Variants in COL4A5 observed in about 807,000 individuals in gnomAD.
COL4A5 encodes the protein collagen alpha-5(IV) chain.
In COL4A5, 26 loss-of-function variants were observed where a neutral mutation model predicts 130.2. The ratio of observed to expected loss-of-function variants is 0.20; its 90% confidence interval spans 0.15 to 0.28. The LOEUF (loss-of-function observed/expected upper bound fraction) is 0.28. Ranked by LOEUF, COL4A5 falls within the 10% of genes least tolerant of loss-of-function variation. The pLI is 1.00. For synonymous variants in COL4A5, 496 were observed against 439.6 expected (o/e 1.13, Z -1.60); for missense variants, 1,131 against 1,344.3 (o/e 0.84, Z 2.48).
intron 39 of COL4A5, 60 bp from the exon 40 acceptor site, chrX:108,667,073 T>G: frequency 4.6e-6 from 5 of 1,090,985 alleles, no homozygotes; most frequent in Non-Finnish European, 6.4e-6. Flanking sequence ...TAATTTGGCC[T>G]TGTTTCAGTT....
intron 36 of COL4A5, among the ~76,000 whole-genome samples, chrX:108,643,151 A>G (rs1417450880): frequency 8.9e-6 from 1 of 112,232 alleles, no homozygotes; most frequent in Non-Finnish European, 1.9e-5. Context: ...GAACAAGTAG[A>G]AGAAAGAAAT....
At chrX:108,631,140 TC>T (rs1177264742) in intron 36 of COL4A5, among the ~76,000 whole-genome samples, 2 of 112,015 alleles carry the variant, frequency 1.8e-5, no homozygotes, top group Non-Finnish European at 3.8e-5. Flanking sequence ...CAATGTGGGC[TC>T]TTTTTTGGTT....
At chrX:108,476,197 G>T (rs183210512) in intron 1 of COL4A5, among the ~76,000 whole-genome samples, 2 of 111,257 alleles carry the variant, frequency 1.8e-5, no homozygotes, top group African/African-American at 6.5e-5. Context: ...AATTGTATAC[G>T]CCTTTATACT....
At chrX:108,644,453 C>T (rs189365946) in intron 36 of COL4A5, among the ~76,000 whole-genome samples, 8 of 111,942 alleles carry the variant, frequency 7.1e-5, no homozygotes, top group African/African-American at 2.6e-4. Context: ...CAAAAGCCCA[C>T]GAACTTTCTC....
chrX:108,562,339 A>G (rs1423913909), intron 3 of COL4A5, among the ~76,000 whole-genome samples: 1 of 112,012 alleles, frequency 8.9e-6, no homozygotes, highest in African/African-American at 3.2e-5. Flanking sequence ...CATTTCTTGT[A>G]TCTGAGTTTA....
chrX:108,459,749 T>C (rs753463776), intron 1 of COL4A5, among the ~76,000 whole-genome samples: 1 of 112,269 alleles, frequency 8.9e-6, no homozygotes, highest in African/African-American at 3.2e-5. Context: ...GTAAAATCTT[T>C]ATGATTAATT....
At chrX:108,591,856 G>A (rs1223711176) in intron 21 of COL4A5, among the ~76,000 whole-genome samples, 1 of 110,627 alleles carries the variant, frequency 9.0e-6, no homozygotes, top group Non-Finnish European at 1.9e-5. Context: ...ACTACCTCTA[G>A]TAACCTGACT....
intron 49 of COL4A5, chrX:108,690,217 G>A: frequency 6.8e-6 from 1 of 146,096 alleles, no homozygotes; most frequent in Non-Finnish European, 1.2e-5. Flanking sequence ...ATAACTTACA[G>A]TTAGAAAGTG....
chrX:108,687,850 A>G (rs2068578605), intron 49 of COL4A5, among the ~76,000 whole-genome samples, 156 bp downstream of exon 49: 1 of 112,234 alleles, frequency 8.9e-6, no homozygotes, highest in African/African-American at 3.2e-5. Context: ...TATATTCACT[A>G]TGATTTTTAA....
chrX:108,486,189 G>A (rs963371270), intron 1 of COL4A5, among the ~76,000 whole-genome samples: 2 of 111,625 alleles, frequency 1.8e-5, no homozygotes, highest in African/African-American at 6.5e-5. Flanking sequence ...CAATGGGTGG[G>A]GAAGGGGTGG....
intron 18 of COL4A5, 60 bp downstream of exon 18, chrX:108,584,585 G>A (rs1338930208): frequency 1.0e-6 from 1 of 967,213 alleles, no homozygotes; most frequent in Non-Finnish European, 1.4e-6. Flanking sequence ...TCATTTTTGT[G>A]CCTTAATCGC....
intron 17 of COL4A5, 83 bp downstream of exon 17, chrX:108,583,020 G>A: frequency 1.3e-6 from 1 of 794,338 alleles, no homozygotes; most frequent in East Asian, 3.2e-5. Flanking sequence ...GTTATAAATG[G>A]AAAAAGTCTA....
chrX:108,686,073 C>T lies in COL4A5; in HGVS notation c.4259C>T (p.Pro1420Leu). 1 of 1,211,353 alleles carries T rather than the reference C, an allele frequency of 8.3e-7. No individual in the cohort carries two copies. The highest frequency in any genetic ancestry group is 1.1e-6 in the Non-Finnish European group (1 of 895,334). ...GGAGATCCTGGACGCAATGGACTCC[C>T]TGGCTTTGATGGTGCAGGAGGGCGC... ...PPGDPGRNGL[P>L]GFDGAGGRKG... Residue 1420 changes from proline (P) to leucine (L), a missense_variant, in exon 48 of 53, where the codon CCT becomes CTT. Transcript: ENST00000328300.
chrX:108,615,445 A>C (rs1369577567), intron 30 of COL4A5, among the ~76,000 whole-genome samples: 1 of 111,247 alleles, frequency 9.0e-6, no homozygotes, highest in Non-Finnish European at 1.9e-5. Context: ...TTTCTGTAAA[A>C]GTGTATTTTA....
intron 38 of COL4A5, 142 bp downstream of exon 38, chrX:108,665,729 G>A (rs2068064205): frequency 4.2e-6 from 2 of 477,553 alleles, no homozygotes; most frequent in Non-Finnish European, 7.3e-6. Context: ...TGCATGTGAG[G>A]TACAGAATGA....
At position 108,439,865 on chromosome X, in the gene COL4A5, A is replaced by C; in HGVS notation, c.-261A>C. The C allele has an allele frequency of 2.6e-6, 1 of 379,970 alleles. No individual in the cohort carries two copies. The highest frequency in any genetic ancestry group is 4.6e-5 in the East Asian group (1 of 21,947). The allele number at this position is 379,970 out of a possible 1,213,427, so 31.3% of individuals were successfully genotyped here. A position where few individuals can be genotyped will look rare whatever the true frequency, so the allele number is the denominator to read the frequency against. On this transcript the variant is annotated 5_prime_UTR_variant, in exon 1 of 53. Coordinates refer to ENST00000328300, the MANE Select transcript of COL4A5 (RefSeq NM_033380.3). Reference sequence around the variant, plus strand: ...ATCTGTAGGAATTGAGTGAAGAAAAAGTTTGCAAGTCTGGACAGAAGGGAA... The same window carrying C: ...ATCTGTAGGAATTGAGTGAAGAAAACGTTTGCAAGTCTGGACAGAAGGGAA...
intron 16 of COL4A5, among the ~76,000 whole-genome samples, chrX:108,581,385 A>C (rs1013184222): frequency 1.8e-5 from 2 of 111,652 alleles, no homozygotes; most frequent in Non-Finnish European, 3.8e-5. Flanking sequence ...TATTTTTTAA[A>C]GTCAGATTTA....
intron 30 of COL4A5, among the ~76,000 whole-genome samples, chrX:108,615,547 C>A (rs1228535473): frequency 9.0e-6 from 1 of 111,172 alleles, no homozygotes; most frequent in African/African-American, 3.3e-5. Context: ...CACTCCAAAT[C>A]TTTACTTTTA....
At chrX:108,470,695 G>C (rs1009871600) in intron 1 of COL4A5, among the ~76,000 whole-genome samples, 1 of 111,079 alleles carries the variant, frequency 9.0e-6, no homozygotes, top group Admixed American at 9.6e-5. Context: ...TTGCGTTTGG[G>C]GATTTAGTCA....
Sources: allele counts gnomAD v4.1 joint callset (sites outside exome capture counted in the v4.1 genomes callset), GRCh38; gene constraint gnomAD v4.1.1; transcripts MANE v1.5; gene names NCBI Gene and HGNC (gene_info 2026-07-23, HGNC 2026-07-21).